MCC: variants seen among roughly 807,000 people sequenced by gnomAD.
MCC encodes the protein MCC regulator of Wnt signaling pathway.
In MCC, 90 loss-of-function variants were observed where a neutral mutation model predicts 116.2. That is an observed-to-expected ratio of 0.77 (90% CI 0.65 to 0.92). The LOEUF (loss-of-function observed/expected upper bound fraction) is 0.92, where lower values mean the gene tolerates loss of function less well. Ranked by LOEUF, MCC falls within the 40% of genes least tolerant of loss-of-function variation. The pLI is 0.00. For synonymous variants in MCC, 578 were observed against 510.5 expected (o/e 1.13, Z -1.78); for missense variants, 1,516 against 1,312.2 (o/e 1.16, Z -2.40).
At chr5:113,173,262 T>TTTCTTTTATGTGGTC (rs1164133593) in intron 3 of MCC, among the ~76,000 whole-genome samples, 2 of 152,186 alleles carry the variant, frequency 1.3e-5, no homozygotes, top group African/African-American at 4.8e-5. Flanking sequence ...TCAGTGTGGT[T>TTTCTTTTATGTGGTC]TTCTTTTATG....
At chr5:113,358,153 GA>G (rs1391565385) in intron 2 of MCC, among the ~76,000 whole-genome samples, 4 of 152,172 alleles carry the variant, frequency 2.6e-5, no homozygotes, top group African/African-American at 9.7e-5. Flanking sequence ...TAAAGAAAAT[GA>G]AAATAGCCAA....
intron 3 of MCC, among the ~76,000 whole-genome samples, chr5:113,240,827 C>T (rs1352943164): frequency 6.6e-6 from 1 of 152,202 alleles, no homozygotes; most frequent in Non-Finnish European, 1.5e-5. Context: ...GCCTCAGGAC[C>T]AGAGGAGCTG....
intron 3 of MCC, among the ~76,000 whole-genome samples, chr5:113,216,086 T>G (rs1355560590): frequency 6.6e-6 from 1 of 152,240 alleles, no homozygotes. Context: ...GAATAAAGTT[T>G]TATTGGAACA....
At chr5:113,371,604 G>A (rs1208776140) in intron 2 of MCC, among the ~76,000 whole-genome samples, 1 of 152,220 alleles carries the variant, frequency 6.6e-6, no homozygotes, top group East Asian at 1.9e-4. Flanking sequence ...GCTTCAACTA[G>A]GAGAAAAATG....
At chr5:113,400,190 T>C (rs1372394832) in intron 1 of MCC, among the ~76,000 whole-genome samples, 1 of 143,460 alleles carries the variant, frequency 7.0e-6, no homozygotes, top group African/African-American at 2.7e-5. Context: ...TGGTGCGATC[T>C]TGGCTCACTG....
chr5:113,408,820 G>A (rs776322437), intron 1 of MCC, among the ~76,000 whole-genome samples: 15 of 152,178 alleles, frequency 9.9e-5, no homozygotes, highest in Non-Finnish European at 8.8e-5. Flanking sequence ...ACTGAGTAGA[G>A]CAAGGGAGCA....
At chr5:113,027,806 T>C (rs1750666563) in intron 18 of MCC, among the ~76,000 whole-genome samples, 1 of 152,180 alleles carries the variant, frequency 6.6e-6, no homozygotes, top group Non-Finnish European at 1.5e-5. Flanking sequence ...ATACAAATAG[T>C]GGGTCTATTT....
At chr5:113,318,814 C>A (rs1463478697) in intron 3 of MCC, among the ~76,000 whole-genome samples, 3 of 152,016 alleles carry the variant, frequency 2.0e-5, no homozygotes, top group Non-Finnish European at 1.5e-5. Context: ...TCCACGTGTG[C>A]CCCGGAACTT....
intron 2 of MCC, among the ~76,000 whole-genome samples, chr5:113,354,459 G>C (rs1581422209): frequency 7.0e-6 from 1 of 142,672 alleles, no homozygotes; most frequent in South Asian, 2.1e-4. Context: ...TTCTGAGACA[G>C]AGTCTTGCTC....
chr5:113,088,079 C>T (rs1755330626), intron 8 of MCC, among the ~76,000 whole-genome samples: 1 of 152,078 alleles, frequency 6.6e-6, no homozygotes, highest in South Asian at 2.1e-4. Flanking sequence ...AAACTTCGGA[C>T]CCAGAGAATG....
rs1337568259 is a variant in MCC at position 113,059,843 on chromosome 5, C to T, written c.2213+4141G>A. Among the ~76,000 whole-genome samples the T allele has an allele frequency of 3.3e-5, 5 of 152,120 alleles. No individual in the cohort carries two copies. In the South Asian group the frequency reaches 8.3e-4, roughly 25 times the overall value. On this transcript the variant is annotated intron_variant, in intron 14 of 18. Coordinates refer to ENST00000408903, the MANE Select transcript of MCC (RefSeq NM_001085377.2). ...CTGGCTGGTTCGGGACGGTTCGGGC[C>T]GACCCACTCTCCACCTACCCTGTCC...
intron 3 of MCC, among the ~76,000 whole-genome samples, chr5:113,175,756 C>A (rs771959160): frequency 6.6e-6 from 1 of 152,014 alleles, no homozygotes; most frequent in African/African-American, 2.4e-5. Context: ...AAAATACATT[C>A]AATTTTAAGG....
intron 6 of MCC, among the ~76,000 whole-genome samples, chr5:113,118,237 G>A (rs900799760): frequency 2.0e-5 from 3 of 152,154 alleles, no homozygotes; most frequent in Non-Finnish European, 2.9e-5. Flanking sequence ...CTCTTTTAAC[G>A]GCGAGCCTTT....
intron 3 of MCC, among the ~76,000 whole-genome samples, chr5:113,211,394 A>G (rs1763130779): frequency 6.6e-6 from 1 of 152,208 alleles, no homozygotes; most frequent in African/African-American, 2.4e-5. Context: ...GACCAAACAG[A>G]CTAAGACATG....
At chr5:113,403,360 T>A (rs189523253) in intron 1 of MCC, among the ~76,000 whole-genome samples, 1 of 152,320 alleles carries the variant, frequency 6.6e-6, no homozygotes, top group African/African-American at 2.4e-5. Context: ...AGTAATGCCA[T>A]CAACGTTTTA....
At chr5:113,067,374 G>A (rs1314580802) in intron 13 of MCC, among the ~76,000 whole-genome samples, 2 of 152,218 alleles carry the variant, frequency 1.3e-5, no homozygotes, top group Non-Finnish European at 2.9e-5. Flanking sequence ...AAAGCCGGGC[G>A]CAGTGGCTCA....
At chr5:113,242,257 G>GA (rs1177925489) in intron 3 of MCC, among the ~76,000 whole-genome samples, 8 of 152,184 alleles carry the variant, frequency 5.3e-5, no homozygotes, top group Non-Finnish European at 1.2e-4. Flanking sequence ...TAAACTTGGA[G>GA]AAAAAGCCTT....
intron 3 of MCC, among the ~76,000 whole-genome samples, chr5:113,213,337 C>T (rs1178442836): frequency 1.3e-5 from 2 of 152,074 alleles, no homozygotes; most frequent in Non-Finnish European, 2.9e-5. Flanking sequence ...GTGAACACTG[C>T]CCTAAGAGTT....
chr5:113,488,445 C>A lies in MCC; in HGVS notation c.-31G>T. 7.2e-7 allele frequency: 1 copy of A among 1,390,036 alleles called. No individual in the cohort carries two copies. Among genetic ancestry groups the A allele is most frequent in the Non-Finnish European group, 9.2e-7 (1 of 1,085,758 alleles). 86.1% of individuals were successfully genotyped at this position (1,390,036 alleles called of 1,614,324 possible). On this transcript the variant is annotated 5_prime_UTR_variant, in exon 1 of 19. Transcript: ENST00000408903. ...CGCTCCCTACTTGGGAGGAGGAGTA[C>A]GCGCGACCGCAGCTGGAATCCGCGC...
Sources: allele counts gnomAD v4.1 joint callset (sites outside exome capture counted in the v4.1 genomes callset), GRCh38; gene constraint gnomAD v4.1.1; transcripts MANE v1.5; gene names NCBI Gene and HGNC (gene_info 2026-07-23, HGNC 2026-07-21).